The following ADAMTSL1 variants were observed in gnomAD, a reference collection of about 807,000 sequenced individuals.
ADAMTSL1 encodes the protein ADAMTS-like protein 1.
In ADAMTSL1, 126 loss-of-function variants were observed where a neutral mutation model predicts 201.8. The ratio of observed to expected loss-of-function variants is 0.62; its 90% CI spans 0.54 to 0.72. ADAMTSL1 has a LOEUF of 0.72. ADAMTSL1 is among the 30% of genes least tolerant of loss of function. The probability of loss-of-function intolerance (pLI) is 0.00; values close to 1 mark genes in which losing one functional copy is unlikely to be tolerated. For synonymous variants in ADAMTSL1, 1,121 were observed against 903.4 expected, an observed-to-expected ratio of 1.24 and a Z score of -4.32; for missense variants, 2,679 against 2,277.8, an observed-to-expected ratio of 1.18 and a Z score of -3.59.
At chr9:18,392,466 A>G (rs1022528891) in intron 2 of ADAMTSL1, among the ~76,000 whole-genome samples, 4 of 152,196 alleles carry the variant, frequency 2.6e-5, no homozygotes, top group South Asian at 2.1e-4. Context: ...TTCATCCTAC[A>G]TCTCCACTTG....
At chr9:18,543,203 G>A (rs944076228) in intron 3 of ADAMTSL1, among the ~76,000 whole-genome samples, 3 of 152,158 alleles carry the variant, frequency 2.0e-5, no homozygotes, top group Non-Finnish European at 4.4e-5. Flanking sequence ...AATGTAGGAT[G>A]GTGACTAAAC....
At chr9:18,088,081 A>G (rs1823847147) in intron 1 of ADAMTSL1, among the ~76,000 whole-genome samples, 1 of 152,162 alleles carries the variant, frequency 6.6e-6, no homozygotes, top group Non-Finnish European at 1.5e-5. Flanking sequence ...CAGAATAGAG[A>G]ACCTAGAATT....
intron 20 of ADAMTSL1, among the ~76,000 whole-genome samples, chr9:18,805,053 A>G (rs1267850495): frequency 6.6e-6 from 1 of 152,168 alleles, no homozygotes. Context: ...TTTTAAACTG[A>G]TATTTGGATC....
At chr9:18,453,782 T>C (rs1820503872) in intron 2 of ADAMTSL1, among the ~76,000 whole-genome samples, 1 of 152,196 alleles carries the variant, frequency 6.6e-6, no homozygotes, top group Non-Finnish European at 1.5e-5. Flanking sequence ...CAGATTTTTT[T>C]GTATCTCTGT....
chr9:18,179,145 G>A (rs1828327357), intron 2 of ADAMTSL1, among the ~76,000 whole-genome samples: 1 of 152,094 alleles, frequency 6.6e-6, no homozygotes, highest in Non-Finnish European at 1.5e-5. Flanking sequence ...TTAGAAGAAT[G>A]TATAACTAGA....
chr9:18,402,430 T>C (rs2133272076), intron 2 of ADAMTSL1, among the ~76,000 whole-genome samples: 1 of 152,342 alleles, frequency 6.6e-6, no homozygotes, highest in South Asian at 2.1e-4. Context: ...TTGGCCACTC[T>C]TCTACCCATT....
intron 2 of ADAMTSL1, among the ~76,000 whole-genome samples, chr9:18,230,032 C>T (rs1830591122): frequency 6.6e-6 from 1 of 152,128 alleles, no homozygotes; most frequent in Non-Finnish European, 1.5e-5. Flanking sequence ...ATTCCAGGTA[C>T]TTTATTCCCA....
intron 1 of ADAMTSL1, among the ~76,000 whole-genome samples, chr9:18,117,535 T>C (rs1380513081): frequency 6.6e-6 from 1 of 152,174 alleles, no homozygotes; most frequent in Non-Finnish European, 1.5e-5. Context: ...TGTCACTTTG[T>C]TAATGAGGCT....
intron 6 of ADAMTSL1, among the ~76,000 whole-genome samples, chr9:18,636,854 T>C (rs1308442054): frequency 6.6e-6 from 1 of 151,752 alleles, no homozygotes; most frequent in African/African-American, 2.4e-5. Context: ...TCTGATTTCC[T>C]CCACTGTGAT....
intron 5 of ADAMTSL1, among the ~76,000 whole-genome samples, chr9:18,628,509 A>T (rs1564101010): frequency 6.6e-6 from 1 of 152,042 alleles, no homozygotes; most frequent in Non-Finnish European, 1.5e-5. Context: ...TGGTAGTGTG[A>T]TTTCTCCAAC....
At position 18,184,989 on chromosome 9, in the gene ADAMTSL1, C is replaced by T. The variant is rs960672596; in HGVS notation, c.207+21008C>T. Among the ~76,000 whole-genome samples the T allele has an allele frequency of 2.6e-5, 4 of 152,094 alleles. No homozygotes were observed. In the South Asian group the frequency reaches 8.3e-4, roughly 32 times the overall value. On this transcript the variant is annotated intron_variant, in intron 2 of 29. Coordinates refer to the ADAMTSL1 transcript ENST00000680146. The stretch of plus-strand genomic sequence containing the variant: ...ATTAATTGACACAGGTTGAATCTCC[C>T]TTCTCTGAAATGATTGGCACCAGAA...
chr9:18,154,581 C>G (rs1827067221), intron 1 of ADAMTSL1, among the ~76,000 whole-genome samples: 1 of 152,004 alleles, frequency 6.6e-6, no homozygotes, highest in South Asian at 2.1e-4. Flanking sequence ...GATTATGCTC[C>G]CTTAACAGGA....
chr9:18,235,088 T>G (rs977579637), intron 2 of ADAMTSL1, among the ~76,000 whole-genome samples: 1 of 152,172 alleles, frequency 6.6e-6, no homozygotes, highest in Non-Finnish European at 1.5e-5. Flanking sequence ...CATTTCTCTT[T>G]CCCTAATTTT....
In ADAMTSL1 at chr9:18,635,363, A is replaced by T. The variant is rs1048353995; in HGVS notation, c.602-580A>T. ...CAGTCAATTTCTAAAAAAAAATTTT[A>T]AAATAGAGTATAGTGTAGAGAAATG... is the stretch of plus-strand genomic sequence containing the variant. On this transcript the variant is annotated intron_variant, in intron 5 of 28. Transcript: ENST00000380548. Among the ~76,000 whole-genome samples the T allele has an allele frequency of 3.9e-5, 6 of 152,294 alleles. No individual in the cohort carries two copies. In the South Asian group the frequency reaches 6.2e-4, roughly 16 times the overall value.
intron 2 of ADAMTSL1, among the ~76,000 whole-genome samples, chr9:18,332,205 T>A (rs577217776): frequency 6.6e-6 from 1 of 152,320 alleles, no homozygotes; most frequent in South Asian, 2.1e-4. Flanking sequence ...CTTCATTGGA[T>A]CTTGTCCAGA....
intron 1 of ADAMTSL1, among the ~76,000 whole-genome samples, chr9:17,930,756 A>T (rs1200958769): frequency 6.6e-6 from 1 of 152,170 alleles, no homozygotes; most frequent in African/African-American, 2.4e-5. Context: ...GTAAGGTAAG[A>T]TATGGTGGAG....
Position 18,718,237 on chromosome 9 carries a change from C to T in ADAMTSL1, c.1877-3299C>T, listed in dbSNP as rs181131403. 391 of 762,048 alleles carry T rather than the reference C, an allele frequency of 5.1e-4. 2 individuals are homozygous for T. Among genetic ancestry groups the T allele is most frequent in the African/African-American group, 5.0e-3 (290 of 58,492 alleles). 47.2% of individuals were successfully genotyped at this position (762,048 alleles called of 1,614,324 possible). ...GTGTCTTTAACTCAAAGAATCTGTT[C>T]TCTCAAGTCTTGCAAATCATTAAAT... On this transcript the variant is annotated intron_variant, in intron 14 of 28. Coordinates refer to ENST00000380548, the MANE Select transcript of ADAMTSL1 (RefSeq NM_001040272.6).
intron 2 of ADAMTSL1, among the ~76,000 whole-genome samples, chr9:18,220,287 T>C (rs933651501): frequency 1.3e-5 from 2 of 152,184 alleles, no homozygotes; most frequent in Non-Finnish European, 2.9e-5. Flanking sequence ...GCTTATGTTT[T>C]TAAGTACAGG....
chr9:18,401,317 T>C (rs540474072), intron 2 of ADAMTSL1, among the ~76,000 whole-genome samples: 1 of 152,330 alleles, frequency 6.6e-6, no homozygotes, highest in Non-Finnish European at 1.5e-5. Flanking sequence ...ACCTCTTCTC[T>C]ATTGCATGGC....
Sources: gnomAD v4.1 joint callset for allele counts (sites outside exome capture counted in the v4.1 genomes callset) on GRCh38, gnomAD v4.1.1 for gene constraint, MANE v1.5 for transcripts, NCBI Gene and HGNC (gene_info 2026-07-23, HGNC 2026-07-21) for gene names.